Variants in SCARA5 observed in about 807,000 individuals in gnomAD.
SCARA5 encodes scavenger receptor class A, member 5 (putative).
Under a neutral mutation model 46.3 loss-of-function variants are expected in SCARA5, and 45 were observed. That is an observed-to-expected ratio of 0.97 (90% CI 0.76 to 1.24). The LOEUF (loss-of-function observed/expected upper bound fraction) is 1.24, where lower values mean the gene tolerates loss of function less well. SCARA5 is among the 50% of genes most tolerant of loss of function. SCARA5 has a pLI of 0.00. For synonymous variants in SCARA5, 333 were observed against 306.5 expected (o/e 1.09, Z -0.90); for missense variants, 680 against 689.0 (o/e 0.99, Z 0.15).
At chr8:27,916,837 T>C (rs1399087712) in intron 4 of SCARA5, among the ~76,000 whole-genome samples, 1 of 152,066 alleles carries the variant, frequency 6.6e-6, no homozygotes, top group Non-Finnish European at 1.5e-5. Flanking sequence ...GTGATCTGAG[T>C]GTTTGCATCC....
chr8:27,983,099 G>A (rs11780951), intron 2 of SCARA5, among the ~76,000 whole-genome samples: 57,584 of 151,986 alleles, frequency 0.38, 11,382 homozygotes, highest in Middle Eastern at 0.52. Flanking sequence ...GGTGGTGGCT[G>A]CAGGGAGCTC....
intron 7 of SCARA5, among the ~76,000 whole-genome samples, chr8:27,884,886 G>T (rs1806869467): frequency 6.6e-6 from 1 of 152,168 alleles, no homozygotes; most frequent in African/African-American, 2.4e-5. Context: ...GCATAGATGG[G>T]AACAGAAGCA....
chr8:27,882,998 A>C (rs936652974), intron 7 of SCARA5, among the ~76,000 whole-genome samples: 18 of 152,288 alleles, frequency 1.2e-4, no homozygotes, highest in African/African-American at 4.3e-4. Flanking sequence ...TGTCATGCAA[A>C]CAAAATGCAA....
At chr8:27,879,493 T>A in intron 8 of SCARA5, 76 bp downstream of exon 8, 2 of 1,428,014 alleles carry the variant, frequency 1.4e-6, no homozygotes, top group Middle Eastern at 1.8e-4. Flanking sequence ...TGGAAGGGAC[T>A]CGGGCTTTGG....
At chr8:27,892,613 T>C (rs1270186043) in intron 7 of SCARA5, among the ~76,000 whole-genome samples, 2 of 147,436 alleles carry the variant, frequency 1.4e-5, no homozygotes, top group African/African-American at 5.0e-5. Context: ...ACCCTTTTTT[T>C]TTTTTTTTTT....
At chr8:27,984,534 A>C (rs1808671533) in intron 2 of SCARA5, among the ~76,000 whole-genome samples, 1 of 151,728 alleles carries the variant, frequency 6.6e-6, no homozygotes. Flanking sequence ...CCATCTATCC[A>C]TTCATTCATC....
At chr8:27,932,429 C>T (rs1305403062) in intron 3 of SCARA5, among the ~76,000 whole-genome samples, 1 of 152,238 alleles carries the variant, frequency 6.6e-6, no homozygotes, top group Non-Finnish European at 1.5e-5. Context: ...TATTAGTCCT[C>T]TCCGGCTGCT....
At chr8:27,947,338 GC>G (rs1808054284) in intron 3 of SCARA5, among the ~76,000 whole-genome samples, 1 of 152,074 alleles carries the variant, frequency 6.6e-6, no homozygotes, top group African/African-American at 2.4e-5. Context: ...GGGCAAATTG[GC>G]TTAAAAATCC....
At chr8:27,932,395 A>T (rs999276832) in intron 3 of SCARA5, among the ~76,000 whole-genome samples, 1 of 152,220 alleles carries the variant, frequency 6.6e-6, no homozygotes, top group Non-Finnish European at 1.5e-5. Context: ...GAATAAGCAA[A>T]TAAGCAATTC....
chr8:27,915,046 G>A (rs1272744261), intron 4 of SCARA5, among the ~76,000 whole-genome samples: 1 of 152,156 alleles, frequency 6.6e-6, no homozygotes, highest in Non-Finnish European at 1.5e-5. Flanking sequence ...CAGCAGTACA[G>A]TCAAAACCAC....
Position 27,871,696 on chromosome 8 carries a change from T to C in SCARA5, c.*238A>G. On this transcript the variant is annotated 3_prime_UTR_variant, in exon 9 of 9. Coordinates refer to ENST00000354914, the MANE Select transcript of SCARA5 (RefSeq NM_173833.6). ...TGATCCAGTTGATCAGGGCTCCTCA[T>C]GCAGGAACCTGGTGGAAGAGAGAGA... is the stretch of plus-strand genomic sequence containing the variant. The C allele has an allele frequency of 7.2e-7, 1 of 1,383,320 alleles. No individual in the cohort carries two copies. Among genetic ancestry groups the C allele is most frequent in the Non-Finnish European group, 9.4e-7 (1 of 1,068,258 alleles). 85.7% of individuals were successfully genotyped at this position (1,383,320 alleles called of 1,614,324 possible). A position where few individuals can be genotyped will look rare whatever the true frequency, so the allele number is the denominator to read the frequency against.
At chr8:27,913,826 C>T (rs1444417157) in intron 4 of SCARA5, among the ~76,000 whole-genome samples, 1 of 152,248 alleles carries the variant, frequency 6.6e-6, no homozygotes, top group African/African-American at 2.4e-5. Flanking sequence ...ACCCCTTCTG[C>T]TGCAAACTTA....
chr8:27,922,630 C>T (rs994489835), intron 3 of SCARA5, among the ~76,000 whole-genome samples: 7 of 152,166 alleles, frequency 4.6e-5, no homozygotes, highest in East Asian at 3.8e-4. Context: ...CTGCCAGTTG[C>T]GAATGTTGAA....
chr8:27,963,932 A>T (rs751148691), intron 3 of SCARA5, among the ~76,000 whole-genome samples: 22 of 152,074 alleles, frequency 1.4e-4, no homozygotes, highest in Non-Finnish European at 2.6e-4. Context: ...GTTTAAATGG[A>T]TCTCCTGTGC....
intron 2 of SCARA5, among the ~76,000 whole-genome samples, chr8:27,984,162 G>GT (rs1396860625): frequency 6.6e-6 from 1 of 151,956 alleles, no homozygotes; most frequent in Non-Finnish European, 1.5e-5. Flanking sequence ...GCAGAGATAA[G>GT]GATCAAAGAT....
chr8:27,909,996 C>T (rs934389042), intron 4 of SCARA5, among the ~76,000 whole-genome samples: 2 of 152,134 alleles, frequency 1.3e-5, no homozygotes, highest in Non-Finnish European at 2.9e-5. Context: ...GAGGGACACA[C>T]ACACACTGAA....
chr8:27,903,030 G>C (rs977603626), intron 7 of SCARA5, among the ~76,000 whole-genome samples: 4 of 152,128 alleles, frequency 2.6e-5, no homozygotes, highest in African/African-American at 9.7e-5. Context: ...GCTCCTATTT[G>C]ATCCTGAATC....
chr8:27,872,153 T>C, intron 8 of SCARA5, 83 bp from the exon 9 acceptor site: 2 of 1,482,440 alleles, frequency 1.3e-6, no homozygotes, highest in Non-Finnish European at 1.9e-6. Flanking sequence ...TGCCTGCCCT[T>C]GACTTGGCTC....
chr8:27,917,279 CAAAG>C (rs1266448161), intron 4 of SCARA5, among the ~76,000 whole-genome samples: 2 of 152,126 alleles, frequency 1.3e-5, no homozygotes, highest in Admixed American at 6.5e-5. Context: ...GTTTGAGGAC[CAAAG>C]AAAGACTACA....
Sources: allele counts gnomAD v4.1 joint callset (sites outside exome capture counted in the v4.1 genomes callset), GRCh38; gene constraint gnomAD v4.1.1; transcripts MANE v1.5; gene names NCBI Gene and HGNC (gene_info 2026-07-23, HGNC 2026-07-21).